Variants in XCR1 observed in about 807,000 individuals in gnomAD.
The protein encoded by XCR1 is chemokine XC receptor 1.
For synonymous variants in XCR1, 187 were observed against 188.5 expected, an observed-to-expected ratio of 0.99 and a Z score of 0.06; for missense variants, 356 against 424.2, an observed-to-expected ratio of 0.84 and a Z score of 1.41.
rs886883779 is a variant in XCR1 at position 46,017,012 on chromosome 3, C to T, written c.*3934G>A. ...TAAGACAATACATGCTAATCTTTTA[C>T]TTGTGCATATTAACACAGTGAAGCT... On this transcript the variant is annotated 3_prime_UTR_variant, in exon 2 of 2. Transcript: ENST00000309285. 3.3e-5 allele frequency: 5 copies of T among 152,202 alleles called. No homozygotes were observed. The East Asian group carries it at 5.8e-4, about 18-fold the overall frequency. The allele number at this position is 152,202 out of a possible 1,614,324, so 9.4% of individuals were successfully genotyped here.
chr3:46,065,807 C>G (rs901961081), intron 4 of XCR1, among the ~76,000 whole-genome samples: 1 of 152,164 alleles, frequency 6.6e-6, no homozygotes, highest in African/African-American at 2.4e-5. Flanking sequence ...GCGGTGTGCT[C>G]TAAATGTGTG....
chr3:46,067,780 G>A (rs998362234), intron 3 of XCR1, among the ~76,000 whole-genome samples: 3 of 152,122 alleles, frequency 2.0e-5, no homozygotes, highest in African/African-American at 7.2e-5. Flanking sequence ...AAAGTGCATA[G>A]GGGTGAGAAC....
intron 2 of XCR1, among the ~76,000 whole-genome samples, chr3:46,075,855 C>T (rs1341128571): frequency 6.6e-6 from 1 of 152,088 alleles, no homozygotes; most frequent in Non-Finnish European, 1.5e-5. Context: ...AAGATATTAT[C>T]ACATATGTAT....
intron 1 of XCR1, among the ~76,000 whole-genome samples, chr3:46,080,527 A>T (rs1170917411): frequency 6.6e-6 from 1 of 152,132 alleles, no homozygotes. Flanking sequence ...GTGCCACTGC[A>T]CTCCAGCCTG....
intron 1 of XCR1, among the ~76,000 whole-genome samples, chr3:46,077,585 C>T (rs1698283636): frequency 6.6e-6 from 1 of 152,140 alleles, no homozygotes; most frequent in Admixed American, 6.6e-5. Context: ...CTCCCCTACT[C>T]CTCCTAGGTC....
At chr3:46,054,351 G>A (rs917481934) in intron 4 of XCR1, among the ~76,000 whole-genome samples, 1 of 152,132 alleles carries the variant, frequency 6.6e-6, no homozygotes, top group Admixed American at 6.6e-5. Flanking sequence ...CAAACCTTCT[G>A]GCAGTGGGAG....
At chr3:46,026,935 A>C in intron 1 of XCR1, among the ~76,000 whole-genome samples, 1 of 148,358 alleles carries the variant, frequency 6.7e-6, no homozygotes, top group African/African-American at 2.5e-5. Flanking sequence ...CCTATCACCC[A>C]TGCTGGAATG....
intron 5 of XCR1, among the ~76,000 whole-genome samples, chr3:46,046,827 T>G (rs975501141): frequency 2.0e-5 from 3 of 152,206 alleles, no homozygotes; most frequent in Non-Finnish European, 4.4e-5. Flanking sequence ...ACTCTTGAGT[T>G]TGCCTATTTA....
chr3:46,060,525 C>T (rs1406995380), intron 4 of XCR1, among the ~76,000 whole-genome samples: 1 of 152,164 alleles, frequency 6.6e-6, no homozygotes, highest in Non-Finnish European at 1.5e-5. Flanking sequence ...AAGAGGAGCC[C>T]AAAGTGGCAG....
At chr3:46,058,377 A>C (rs1300517903) in intron 4 of XCR1, among the ~76,000 whole-genome samples, 2 of 152,308 alleles carry the variant, frequency 1.3e-5, no homozygotes, top group East Asian at 3.9e-4. Context: ...CAGGGCTTCA[A>C]ATTGCCAGCT....
At chr3:46,030,963 T>C (rs1235378750), upstream of XCR1, among the ~76,000 whole-genome samples, 3 of 152,232 alleles carry the variant, frequency 2.0e-5, no homozygotes, top group Admixed American at 6.5e-5. Context: ...GGTTCATTTG[T>C]GCGGGGTTGG....
Position 46,041,476 on chromosome 3 carries a change from G to A in XCR1, c.-32+12444C>T, listed in dbSNP as rs553051534. Among the ~76,000 whole-genome samples the A allele has an allele frequency of 9.9e-5, 15 of 152,274 alleles. 1 individual carries two copies. The South Asian group carries it at 3.1e-3, about 32-fold the overall frequency. ...TGTTTCAGATGAAAACTCTATAGTA[G>A]ATTAATCTTTGATTTCTGGGTGGCT... is the stretch of plus-strand genomic sequence containing the variant. On this transcript the variant is annotated intron_variant, in intron 5 of 5. Transcript: ENST00000683768.
upstream of XCR1, among the ~76,000 whole-genome samples, chr3:46,032,339 C>G (rs1346181465): frequency 6.6e-6 from 1 of 152,234 alleles, no homozygotes; most frequent in African/African-American, 2.4e-5. Context: ...GCAGGGGAAG[C>G]TGCTTGTGGT....
intron 1 of XCR1, among the ~76,000 whole-genome samples, chr3:46,081,239 A>G (rs1698357481): frequency 6.6e-6 from 1 of 152,200 alleles, no homozygotes; most frequent in African/African-American, 2.4e-5. Context: ...GAAACACACC[A>G]ATGGTATAAT....
upstream of XCR1, among the ~76,000 whole-genome samples, chr3:46,028,497 A>G (rs1005154882): frequency 8.6e-5 from 13 of 151,502 alleles, no homozygotes; most frequent in Non-Finnish European, 1.8e-4. Flanking sequence ...TATCAGAGAT[A>G]TGATTTAAAA....
intron 4 of XCR1, among the ~76,000 whole-genome samples, chr3:46,057,339 T>C (rs1445296340): frequency 6.6e-6 from 1 of 152,126 alleles, no homozygotes; most frequent in Non-Finnish European, 1.5e-5. Flanking sequence ...AGTGGTTGCC[T>C]GGGGTTTGGG....
chr3:46,064,169 G>C (rs984277885), intron 4 of XCR1, among the ~76,000 whole-genome samples: 1 of 152,158 alleles, frequency 6.6e-6, no homozygotes, highest in East Asian at 1.9e-4. Context: ...CAATGTGTCT[G>C]GCCCCTAATG....
At chr3:46,067,784 T>A (rs530165162) in intron 3 of XCR1, among the ~76,000 whole-genome samples, 1 of 151,526 alleles carries the variant, frequency 6.6e-6, no homozygotes, top group Admixed American at 6.6e-5. Context: ...TGCATAGGGG[T>A]GAGAACAGGG....
intron 4 of XCR1, among the ~76,000 whole-genome samples, chr3:46,060,355 G>A (rs1305475930): frequency 6.6e-6 from 1 of 152,116 alleles, no homozygotes; most frequent in Non-Finnish European, 1.5e-5. Flanking sequence ...TTTAATCACA[G>A]GACATGGTAG....
Sources: gnomAD v4.1 joint callset for allele counts (sites outside exome capture counted in the v4.1 genomes callset) on GRCh38, gnomAD v4.1.1 for gene constraint, MANE v1.5 for transcripts, NCBI Gene and HGNC (gene_info 2026-07-23, HGNC 2026-07-21) for gene names.